ZNF862: variants seen among roughly 807,000 people sequenced by gnomAD.
ZNF862 encodes the protein zinc finger protein 862.
In ZNF862, 64 loss-of-function variants were observed where a neutral mutation model predicts 91.1. That is an observed-to-expected ratio of 0.70 (90% CI 0.57 to 0.87). ZNF862 has a LOEUF of 0.87. Ranked by LOEUF, ZNF862 falls within the 40% of genes least tolerant of loss-of-function variation. The pLI is 0.00. For synonymous variants in ZNF862, 631 were observed against 618.1 expected (o/e 1.02, Z -0.31); for missense variants, 1,459 against 1,528.0 (o/e 0.95, Z 0.75).
Position 149,838,381 on chromosome 7 carries a change from C to T in ZNF862, c.-231C>T, listed in dbSNP as rs531233747. The T allele has an allele frequency of 4.3e-5, 17 of 394,494 alleles. No homozygotes were observed. The South Asian group carries it at 2.0e-3, about 46-fold the overall frequency. The allele number at this position is 394,494 out of a possible 1,614,324, so 24.4% of individuals were successfully genotyped here. On this transcript the variant is annotated 5_prime_UTR_variant, in exon 1 of 8. Transcript: ENST00000223210. ...CCGCCGCCTGGGGCTGGGCAGTGAC[C>T]GTAAAGCTGTTCGCTCGGTGCGACG...
intron 7 of ZNF862, 79 bp from the exon 8 acceptor site, chr7:149,864,030 A>G: frequency 6.8e-7 from 1 of 1,461,524 alleles, no homozygotes; most frequent in Non-Finnish European, 9.2e-7. Flanking sequence ...TTCCTCACCA[A>G]ACAGCCCCTG....
At chr7:149,841,248 T>A in intron 1 of ZNF862, 4 of 985,386 alleles carry the variant, frequency 4.1e-6, no homozygotes, top group Non-Finnish European at 4.8e-6. Flanking sequence ...GAGATAGTGG[T>A]TTGGTCTATT....
chr7:149,844,765 C>T, intron 2 of ZNF862, 29 bp downstream of exon 2: 1 of 1,442,928 alleles, frequency 6.9e-7, no homozygotes, highest in Non-Finnish European at 9.6e-7. Flanking sequence ...ATCCCTGCCA[C>T]TGTCAATTTA....
chr7:149,851,733 T>C (rs996227054), intron 5 of ZNF862: 6 of 152,256 alleles, frequency 3.9e-5, no homozygotes, highest in African/African-American at 1.2e-4. Context: ...CAGAGCATGA[T>C]CTAAACATTT....
At chr7:149,856,792 T>A (rs573394109) in intron 5 of ZNF862, among the ~76,000 whole-genome samples, 1 of 152,340 alleles carries the variant, frequency 6.6e-6, no homozygotes, top group South Asian at 2.1e-4. Flanking sequence ...CTTCATCTTC[T>A]TAGTGTACAT....
rs183310520 is a variant in ZNF862, at chr7:149,851,101, G to T, written c.1117+763G>T. On this transcript the variant is annotated intron_variant, in intron 5 of 7. Transcript: ENST00000223210. Reference sequence around the variant, plus strand: ...TTCTTATGAAGCATCAAGATGGAAAGACAACTTTTTTTGTTGGAGACAGTC... The same window carrying T: ...TTCTTATGAAGCATCAAGATGGAAATACAACTTTTTTTGTTGGAGACAGTC... 1.1e-4 allele frequency among the ~76,000 whole-genome samples: 16 copies of T among 152,328 alleles called. No homozygotes were observed. In the East Asian group the frequency reaches 3.1e-3, roughly 29 times the overall value.
chr7:149,848,617 T>G (rs768776000), intron 4 of ZNF862, among the ~76,000 whole-genome samples, 185 bp downstream of exon 4: 1 of 152,226 alleles, frequency 6.6e-6, no homozygotes, highest in African/African-American at 2.4e-5. Flanking sequence ...CCATGTATTA[T>G]CTCATTTAAT....
chr7:149,848,490 A>T (rs1056007123), intron 4 of ZNF862, 58 bp downstream of exon 4: 2 of 1,308,850 alleles, frequency 1.5e-6, no homozygotes, highest in African/African-American at 3.0e-5. Context: ...ACTGAGAACG[A>T]TGTATATCCA....
rs375065953 is a variant in ZNF862, at chr7:149,861,941, G to A, written c.2781G>A (p.Thr927=). The A allele has an allele frequency of 4.2e-5, 67 of 1,613,674 alleles. No homozygotes were observed. Among genetic ancestry groups the A allele is most frequent in the Non-Finnish European group, 5.5e-5 (65 of 1,179,888 alleles). The change falls in exon 7 of 8, where the codon ACG becomes ACA. Residue 927 remains threonine, a synonymous_variant. Coordinates refer to ENST00000223210, the MANE Select transcript of ZNF862 (RefSeq NM_001099220.3). The surrounding 1 kb of genome is among the most constrained non-coding windows in gnomAD (Gnocchi z 6.7). ...FQADRERTVL[T]GIEYLQQRFD... ...CGGATAGGGAGAGGACAGTCCTGAC[G>A]GGGATTGAGTACCTCCAGCAGAGGT...
intron 5 of ZNF862, 89 bp from the exon 6 acceptor site, chr7:149,859,333 G>T: frequency 8.5e-7 from 1 of 1,171,176 alleles, no homozygotes; most frequent in Non-Finnish European, 1.2e-6. Context: ...AGACACCTCT[G>T]TGTACTTCAG....
chr7:149,840,941 G>A, intron 1 of ZNF862: 1 of 985,364 alleles, frequency 1.0e-6, no homozygotes, highest in Non-Finnish European at 1.2e-6. Context: ...GGGAGGTAGA[G>A]GAGAAACCTG....
intron 1 of ZNF862, among the ~76,000 whole-genome samples, chr7:149,839,236 A>G (rs1220814963): frequency 6.6e-6 from 1 of 152,146 alleles, no homozygotes; most frequent in Admixed American, 6.5e-5. Context: ...CAGGGATTTG[A>G]CGGGATTGCC....
chr7:149,841,445 T>C (rs1801700108), intron 1 of ZNF862: 12 of 980,994 alleles, frequency 1.2e-5, no homozygotes, highest in Non-Finnish European at 1.5e-5. Context: ...TCCTAACCCT[T>C]ATCACTAAAT....
chr7:149,850,058 G>C lies in ZNF862; in HGVS notation c.940-103G>C. The C allele has an allele frequency of 8.0e-7, 1 of 1,255,652 alleles. No homozygotes were observed. The highest frequency in any genetic ancestry group is 1.1e-6 in the Non-Finnish European group (1 of 887,792). The allele number at this position is 1,255,652 out of a possible 1,614,324, so 77.8% of individuals were successfully genotyped here. On this transcript the variant is annotated intron_variant, in intron 4 of 7. Transcript: ENST00000223210. This position sits in a 1 kb window ranked among gnomAD's most constrained non-coding sequence, Gnocchi z 4.2. ...TCCTCTGAGTGCATCTGGGCCTCTT[G>C]GTGAGCTTCCCAGGAGAAATAGGGC...
chr7:149,847,160 G>A (rs989093695), intron 3 of ZNF862, among the ~76,000 whole-genome samples: 1 of 152,174 alleles, frequency 6.6e-6, no homozygotes, highest in Non-Finnish European at 1.5e-5. Context: ...TCATCTGTTC[G>A]AAGGTTTATG....
intron 5 of ZNF862, chr7:149,851,871 C>T (rs1163782511): frequency 1.3e-5 from 2 of 152,156 alleles, no homozygotes; most frequent in Non-Finnish European, 2.9e-5. Context: ...CCTCGAGGGT[C>T]AGAGGCAGGA....
chr7:149,846,350 C>G, intron 3 of ZNF862, 95 bp downstream of exon 3: 1 of 910,262 alleles, frequency 1.1e-6, no homozygotes, highest in Non-Finnish European at 1.7e-6. Context: ...CCTTCCTGTT[C>G]TCCACCAACT....
intron 5 of ZNF862, among the ~76,000 whole-genome samples, chr7:149,857,719 GTTC>G (rs1802311535): frequency 6.6e-6 from 1 of 152,162 alleles, no homozygotes; most frequent in Non-Finnish European, 1.5e-5. Flanking sequence ...AGGATGACCA[GTTC>G]TTCTTACTGA....
At chr7:149,859,642 G>A (rs1802389518) in intron 6 of ZNF862, 116 bp downstream of exon 6, 1 of 836,910 alleles carries the variant, frequency 1.2e-6, no homozygotes, top group Non-Finnish European at 1.9e-6. Flanking sequence ...TGGGCACCAA[G>A]CCTGGCAGGA....
Sources: allele counts gnomAD v4.1 joint callset (sites outside exome capture counted in the v4.1 genomes callset), GRCh38; gene constraint gnomAD v4.1.1; non-coding constraint Gnocchi (gnomAD v3.1); transcripts MANE v1.5; gene names NCBI Gene and HGNC (gene_info 2026-07-23, HGNC 2026-07-21).